Variants in GPRIN3 observed in about 807,000 individuals in gnomAD.
GPRIN3 encodes G protein-regulated inducer of neurite outgrowth 3.
GPRIN3 carries 12 observed loss-of-function variants against 13.7 expected under a neutral mutation model. That is an observed-to-expected ratio of 0.87 (90% CI 0.56 to 1.42). The LOEUF (loss-of-function observed/expected upper bound fraction) is 1.42, where lower values mean the gene tolerates loss of function less well. Ranked by LOEUF, GPRIN3 falls within the 40% of genes most tolerant of loss-of-function variation. The pLI is 0.00. For missense variants in GPRIN3, 1,009 were observed against 958.7 expected (o/e 1.05, Z -0.69); for synonymous variants, 377 against 372.7 (o/e 1.01, Z -0.13).
In GPRIN3 at chr4:89,245,066, C is replaced by T. The variant is rs1723054055; in HGVS notation, c.*2714G>A. The T allele has an allele frequency of 6.6e-6, 1 of 152,260 alleles. No individual in the cohort carries two copies. The highest frequency in any genetic ancestry group is 1.9e-4 in the East Asian group (1 of 5,182). The allele number at this position is 152,260 out of a possible 1,614,324, so 9.4% of individuals were successfully genotyped here. A position where few individuals can be genotyped will look rare whatever the true frequency, so the allele number is the denominator to read the frequency against. On this transcript the variant is annotated 3_prime_UTR_variant, in exon 2 of 2. Transcript: ENST00000609438. The stretch of plus-strand genomic sequence containing the variant: ...AATAAGGTATACTAAATGCCTAATG[C>T]TATGTCACAGATTGAAGTGAAGGAA...
In GPRIN3 at chr4:89,254,128, G is replaced by GGTGTGTGTGT. The variant is rs57642647; in HGVS notation, c.-123-3905_-123-3896dup. The stretch of plus-strand genomic sequence containing the variant: ...TCTACAGAAGGGTGTGTTGCATCTG[G>GGTGTGTGTGT]GTGTGTGTGTGTGTGTGTGTGTGGA... On this transcript the variant is annotated intron_variant, in intron 1 of 1. Transcript: ENST00000609438. Among the ~76,000 whole-genome samples, 1,417 of 147,716 alleles carry GGTGTGTGTGT rather than the reference G, an allele frequency of 9.6e-3. 16 individuals are homozygous for GGTGTGTGTGT. Among genetic ancestry groups the GGTGTGTGTGT allele is most frequent in the East Asian group, 0.045 (222 of 4,978 alleles).
intron 1 of GPRIN3, among the ~76,000 whole-genome samples, chr4:89,288,173 C>T (rs1291464183): frequency 1.3e-5 from 2 of 152,172 alleles, no homozygotes; most frequent in African/African-American, 4.8e-5. Flanking sequence ...CTCTCTGTGA[C>T]TTCTTAACTG....
intron 1 of GPRIN3, among the ~76,000 whole-genome samples, chr4:89,297,982 G>A (rs1248693374): frequency 6.6e-6 from 1 of 152,084 alleles, no homozygotes; most frequent in Non-Finnish European, 1.5e-5. Context: ...ATAATTTAGA[G>A]CTGTTTTCTC....
intron 1 of GPRIN3, among the ~76,000 whole-genome samples, chr4:89,259,622 A>T (rs1578082454): frequency 6.6e-6 from 1 of 152,216 alleles, no homozygotes; most frequent in African/African-American, 2.4e-5. Context: ...CAGCCTTACA[A>T]ACAAGTATTC....
At chr4:89,262,525 T>C (rs537629093) in intron 1 of GPRIN3, among the ~76,000 whole-genome samples, 25 of 152,316 alleles carry the variant, frequency 1.6e-4, no homozygotes, top group African/African-American at 6.0e-4. Flanking sequence ...CGCTGACGTT[T>C]CTGTCAGTGA....
intron 1 of GPRIN3, among the ~76,000 whole-genome samples, chr4:89,276,150 A>G (rs1724087330): frequency 6.6e-6 from 1 of 152,190 alleles, no homozygotes; most frequent in Non-Finnish European, 1.5e-5. Context: ...TATGATAACA[A>G]TGAATTTTGA....
In GPRIN3 at chr4:89,248,947, G is replaced by A. The variant is rs141576652; in HGVS notation, c.1164C>T (p.Ile388=). ...CTGCCTGAATGTGCACCTGTGGCAT[G>A]ATGCCAGGGCACTGGCTGGACTCCT... The part of the protein sequence containing the change: ...APQESSQCPG[I]MPQVHIQAAA... Residue 388 remains isoleucine (I), a synonymous_variant, in exon 2 of 2, where the codon ATC becomes ATT. Coordinates refer to ENST00000609438, the MANE Select transcript of GPRIN3 (RefSeq NM_198281.3). 30 of 1,614,086 alleles carry A rather than the reference G, an allele frequency of 1.9e-5. No homozygotes were observed. In the African/African-American group the frequency reaches 4.0e-4, roughly 22 times the overall value.
intron 1 of GPRIN3, among the ~76,000 whole-genome samples, chr4:89,256,196 G>A (rs1439970528): frequency 6.6e-6 from 1 of 151,936 alleles, no homozygotes; most frequent in East Asian, 1.9e-4. Flanking sequence ...TGGAAAGAAA[G>A]AAAAAATTTT....
chr4:89,259,762 C>T (rs752571388), intron 1 of GPRIN3, among the ~76,000 whole-genome samples: 3 of 152,162 alleles, frequency 2.0e-5, no homozygotes, highest in African/African-American at 7.2e-5. Context: ...ACTTGCTTGC[C>T]TTTTGGCAAA....
intron 1 of GPRIN3, among the ~76,000 whole-genome samples, chr4:89,286,355 C>G (rs1724413800): frequency 6.6e-6 from 1 of 152,140 alleles, no homozygotes; most frequent in South Asian, 2.1e-4. Context: ...TAATGATGGT[C>G]TGCAAAATCT....
intron 1 of GPRIN3, among the ~76,000 whole-genome samples, chr4:89,281,676 C>A (rs747506774): frequency 2.0e-5 from 3 of 152,202 alleles, no homozygotes; most frequent in Non-Finnish European, 4.4e-5. Context: ...CCTGCTGACA[C>A]CTTGTTCTCA....
At chr4:89,306,681 C>T (rs987156529) in intron 1 of GPRIN3, among the ~76,000 whole-genome samples, 5 of 152,148 alleles carry the variant, frequency 3.3e-5, no homozygotes, top group Admixed American at 6.5e-5. Context: ...CCCCTCCAAG[C>T]CCTTGCCTTT....
At position 89,249,881 on chromosome 4, in the gene GPRIN3, T is replaced by C. The variant is rs369318245; in HGVS notation, c.230A>G (p.Asp77Gly). The C allele has an allele frequency of 1.9e-6, 3 of 1,614,054 alleles. No homozygotes were observed. Among genetic ancestry groups the C allele is most frequent in the African/African-American group, 2.7e-5 (2 of 74,914 alleles). The change falls in exon 2 of 2, where the codon GAT becomes GGT. Residue 77 changes from aspartate (D) to glycine (G), a missense_variant. Transcript: ENST00000609438. ...ATTGAACACACCAGGAGAAGACATA[T>C]CTGGTTGGGTGGTCTCATGCTCACA... ...QVCEHETTQP[D>G]MSSPGVFNEV...
At chr4:89,293,579 T>C (rs1171278584) in intron 1 of GPRIN3, among the ~76,000 whole-genome samples, 3 of 152,234 alleles carry the variant, frequency 2.0e-5, no homozygotes, top group Non-Finnish European at 4.4e-5. Flanking sequence ...CCAGTCCCTT[T>C]CGGGCTGTTC....
chr4:89,278,096 GAGTGAGGAA>G (rs1212026830), intron 1 of GPRIN3, among the ~76,000 whole-genome samples: 1 of 152,158 alleles, frequency 6.6e-6, no homozygotes, highest in East Asian at 1.9e-4. Flanking sequence ...GGCATTTTCT[GAGTGAGGAA>G]AGTGAGGCTC....
intron 1 of GPRIN3, among the ~76,000 whole-genome samples, chr4:89,304,183 T>C (rs1474923218): frequency 1.3e-5 from 2 of 152,206 alleles, no homozygotes; most frequent in Admixed American, 6.5e-5. Flanking sequence ...ACTCACTAAA[T>C]TGTAAGTCTT....
At chr4:89,250,853 A>G (rs1042445400) in intron 1 of GPRIN3, 3 of 152,170 alleles carry the variant, frequency 2.0e-5, no homozygotes, top group Non-Finnish European at 4.4e-5. Flanking sequence ...GTTAAAATAT[A>G]AAATAAATAA....
chr4:89,264,701 CTCAT>C (rs1384329534), intron 1 of GPRIN3, among the ~76,000 whole-genome samples: 9 of 152,170 alleles, frequency 5.9e-5, no homozygotes, highest in Admixed American at 5.9e-4. Context: ...CAGGGCTTTG[CTCAT>C]ATGTCCATTT....
At chr4:89,300,124 C>T (rs950695653) in intron 1 of GPRIN3, among the ~76,000 whole-genome samples, 3 of 152,114 alleles carry the variant, frequency 2.0e-5, no homozygotes, top group African/African-American at 7.2e-5. Flanking sequence ...TTTAGACCCT[C>T]ACCATGGTTA....
Sources: gnomAD v4.1 joint callset for allele counts (sites outside exome capture counted in the v4.1 genomes callset) on GRCh38, gnomAD v4.1.1 for gene constraint, MANE v1.5 for transcripts, NCBI Gene and HGNC (gene_info 2026-07-23, HGNC 2026-07-21) for gene names.